Variants in GRIK1 observed in about 807,000 individuals in gnomAD.
The protein encoded by GRIK1 is glutamate ionotropic receptor kainate type subunit 1, also known as glutamate receptor ionotropic, kainate 1.
GRIK1 carries 69 observed loss-of-function variants against 105.7 expected under a neutral mutation model. The observed-to-expected ratio is 0.65, with a 90% confidence interval of 0.54 to 0.80. The LOEUF (loss-of-function observed/expected upper bound fraction) is 0.80. Ranked by LOEUF, GRIK1 falls within the 30% of genes least tolerant of loss-of-function variation. GRIK1 has a pLI of 0.00. For synonymous variants in GRIK1, 438 were observed against 431.3 expected, an observed-to-expected ratio of 1.02 and a Z score of -0.19; for missense variants, 1,109 against 1,167.3, an observed-to-expected ratio of 0.95 and a Z score of 0.73.
intron 1 of GRIK1, among the ~76,000 whole-genome samples, chr21:29,814,577 T>C (rs2268212): frequency 0.071 from 10,794 of 152,106 alleles, 424 homozygotes; most frequent in South Asian, 0.086. Context: ...CCTGAAGAGA[T>C]ACATCAAATG....
intron 1 of GRIK1, among the ~76,000 whole-genome samples, chr21:29,922,403 A>T (rs2071222147): frequency 6.6e-6 from 1 of 152,168 alleles, no homozygotes; most frequent in Non-Finnish European, 1.5e-5. Context: ...GGGTAGAAGA[A>T]AACTGATTTT....
chr21:29,837,460 A>G (rs1314114747), intron 1 of GRIK1, among the ~76,000 whole-genome samples: 1 of 152,174 alleles, frequency 6.6e-6, no homozygotes, highest in Non-Finnish European at 1.5e-5. Context: ...ATATGTGATT[A>G]TATTGAGTTA....
chr21:29,678,375 G>A (rs958275258), intron 3 of GRIK1, among the ~76,000 whole-genome samples: 5 of 152,164 alleles, frequency 3.3e-5, no homozygotes, highest in Non-Finnish European at 5.9e-5. Flanking sequence ...GCAAGTGGGA[G>A]TCTTCCCAAA....
At chr21:29,931,429 A>G (rs1479307958) in intron 1 of GRIK1, among the ~76,000 whole-genome samples, 14 of 151,496 alleles carry the variant, frequency 9.2e-5, no homozygotes, top group Admixed American at 9.2e-4. Context: ...GGAAGACCAG[A>G]TAGGTAACAT....
chr21:29,693,788 A>C lies in GRIK1; in HGVS notation c.286+108T>G. On this transcript the variant is annotated intron_variant, in intron 2 of 17. Transcript: ENST00000327783. ...CGAAGACCCAGATTTCCCGCGACCCATTTGCACAAAGATGCCCGCTTTAAA... is the reference window on the plus strand; with the variant it reads ...CGAAGACCCAGATTTCCCGCGACCCCTTTGCACAAAGATGCCCGCTTTAAA... 7.7e-6 allele frequency: 6 copies of C among 784,086 alleles called. No homozygotes were observed. In the South Asian group the frequency reaches 1.0e-4, roughly 13 times the overall value. 48.6% of individuals were successfully genotyped at this position (784,086 alleles called of 1,614,324 possible).
chr21:29,635,379 A>G (rs959415310), intron 7 of GRIK1, among the ~76,000 whole-genome samples: 4 of 152,106 alleles, frequency 2.6e-5, no homozygotes, highest in Non-Finnish European at 4.4e-5. Context: ...TGCTGAAGAG[A>G]CTTCTCTGGG....
intron 15 of GRIK1, among the ~76,000 whole-genome samples, chr21:29,560,299 C>CT (rs1312017427): frequency 2.0e-5 from 2 of 99,980 alleles, no homozygotes; most frequent in Non-Finnish European, 3.9e-5. Flanking sequence ...TTCTTTCTTT[C>CT]TTTCTTTCTT....
intron 1 of GRIK1, among the ~76,000 whole-genome samples, chr21:29,894,733 A>G (rs1310173363): frequency 1.3e-5 from 2 of 152,174 alleles, no homozygotes; most frequent in African/African-American, 4.8e-5. Context: ...AATGAGATGC[A>G]ATTAAAAGAT....
intron 15 of GRIK1, among the ~76,000 whole-genome samples, chr21:29,555,980 C>G (rs2090244192): frequency 6.6e-6 from 1 of 152,144 alleles, no homozygotes; most frequent in Non-Finnish European, 1.5e-5. Context: ...AGCCCCTGTT[C>G]CACCAGATAT....
intron 16 of GRIK1, among the ~76,000 whole-genome samples, chr21:29,551,905 T>G (rs1161857885): frequency 1.3e-5 from 2 of 152,154 alleles, no homozygotes; most frequent in Non-Finnish European, 2.9e-5. Flanking sequence ...CTGATTCTAT[T>G]GATTATGAAA....
At chr21:29,622,359 G>A (rs1042202796) in intron 7 of GRIK1, among the ~76,000 whole-genome samples, 25 of 152,098 alleles carry the variant, frequency 1.6e-4, no homozygotes, top group Non-Finnish European at 2.5e-4. Flanking sequence ...GTTTAAGTTG[G>A]GAGTACTCTA....
chr21:29,637,550 G>C (rs796746256), intron 7 of GRIK1, among the ~76,000 whole-genome samples: 5 of 152,328 alleles, frequency 3.3e-5, no homozygotes, highest in African/African-American at 1.2e-4. Flanking sequence ...GAGGTGAATG[G>C]ATGGCACTAG....
chr21:29,690,008 G>A (rs764416830), intron 2 of GRIK1, 23 bp from the exon 3 acceptor site: 2 of 1,585,026 alleles, frequency 1.3e-6, no homozygotes, highest in African/African-American at 1.3e-5. Flanking sequence ...GACAAGGAGA[G>A]GATGGGGAGG....
intron 1 of GRIK1, among the ~76,000 whole-genome samples, chr21:29,795,950 C>A (rs2066543391): frequency 6.6e-6 from 1 of 152,064 alleles, no homozygotes; most frequent in South Asian, 2.1e-4. Context: ...CATACTTCTT[C>A]AATTCATTTG....
At chr21:29,660,944 A>G (rs1466016722) in intron 4 of GRIK1, among the ~76,000 whole-genome samples, 2 of 152,252 alleles carry the variant, frequency 1.3e-5, no homozygotes, top group East Asian at 3.9e-4. Flanking sequence ...GTCTCCGAGC[A>G]GCAATTTTAA....
intron 1 of GRIK1, among the ~76,000 whole-genome samples, chr21:29,886,761 C>T (rs1405620593): frequency 6.6e-6 from 1 of 152,144 alleles, no homozygotes; most frequent in Non-Finnish European, 1.5e-5. Context: ...GCAAATTTGA[C>T]AGCCAAATAT....
At chr21:29,841,817 A>C (rs2067991549) in intron 1 of GRIK1, among the ~76,000 whole-genome samples, 2 of 152,072 alleles carry the variant, frequency 1.3e-5, no homozygotes, top group Admixed American at 1.3e-4. Context: ...TCCCTCTTGG[A>C]AGCATTTTCC....
At chr21:29,665,635 A>G (rs2063044633) in intron 4 of GRIK1, among the ~76,000 whole-genome samples, 1 of 152,232 alleles carries the variant, frequency 6.6e-6, no homozygotes, top group African/African-American at 2.4e-5. Context: ...AAACGCTAGT[A>G]AGAGGATTCT....
chr21:29,595,411 G>C (rs2061394590), intron 9 of GRIK1, among the ~76,000 whole-genome samples: 1 of 151,178 alleles, frequency 6.6e-6, no homozygotes, highest in Non-Finnish European at 1.5e-5. Context: ...TTTTAGTGAG[G>C]AAACCAGATC....
Sources: allele counts gnomAD v4.1 joint callset (sites outside exome capture counted in the v4.1 genomes callset), GRCh38; gene constraint gnomAD v4.1.1; transcripts MANE v1.5; gene names NCBI Gene and HGNC (gene_info 2026-07-23, HGNC 2026-07-21).